Variants in PCDHGB5 observed in about 807,000 individuals in gnomAD.
PCDHGB5 encodes protocadherin gamma subfamily B, 5, also known as protocadherin gamma-B5.
Under a neutral mutation model 62.9 loss-of-function variants are expected in PCDHGB5, and 48 were observed. The ratio of observed to expected loss-of-function variants is 0.76; its 90% CI spans 0.61 to 0.97. The LOEUF is 0.97. PCDHGB5 is among the 50% of genes least tolerant of loss of function. The probability of loss-of-function intolerance (pLI) is 0.00; values close to 1 mark genes in which losing one functional copy is unlikely to be tolerated. For missense variants in PCDHGB5, 1,118 were observed against 1,198.6 expected (o/e 0.93, Z 0.99); for synonymous variants, 474 against 511.2 (o/e 0.93, Z 0.98).
At position 141,450,006 on chromosome 5, in the gene PCDHGB5, C is replaced by CTAT. The variant is rs70988802; in HGVS notation, c.2398-44800_2398-44799insATT. ...CACATTGCATTTAGTTGCCATGTCT[C>CTAT]TTTTTTTTTTTTTTTTTTGAGACAG... On this transcript the variant is annotated intron_variant, in intron 1 of 3. Transcript: ENST00000617380. Among the ~76,000 whole-genome samples the CTAT allele has an allele frequency of 2.5e-4, 33 of 132,964 alleles. 6 individuals are homozygous for CTAT. Among genetic ancestry groups the CTAT allele is most frequent in the Non-Finnish European group, 2.9e-4 (18 of 62,916 alleles). The allele number at this position is 132,964 out of a possible 152,430, so 87.2% of individuals were successfully genotyped here. A position where few individuals can be genotyped will look rare whatever the true frequency, so the allele number is the denominator to read the frequency against.
At chr5:141,413,805 C>T (rs772637762) in intron 1 of PCDHGB5, 1 of 1,613,166 alleles carries the variant, frequency 6.2e-7, no homozygotes, top group South Asian at 1.1e-5. Flanking sequence ...AGGAAGAGGC[C>T]ATTCACCACC....
At chr5:141,419,436 G>T (rs756968644) in intron 1 of PCDHGB5, 1 of 1,613,144 alleles carries the variant, frequency 6.2e-7, no homozygotes, top group East Asian at 2.2e-5. Context: ...GAGCAGCTGC[G>T]CACCTTCGAG....
chr5:141,477,260 G>A lies in PCDHGB5; in HGVS notation c.2398-17547G>A. On this transcript the variant is annotated intron_variant, in intron 1 of 3. Coordinates refer to ENST00000617380, the MANE Select transcript of PCDHGB5 (RefSeq NM_018925.3). This position sits in a 1 kb window ranked among gnomAD's most constrained non-coding sequence, Gnocchi z 4.9. ...GCTCAGTGTGACTGACCTGGATGCTGGCGAGAACGGGCTGGTGACCTGCGA... is the reference window on the plus strand; with the variant it reads ...GCTCAGTGTGACTGACCTGGATGCTAGCGAGAACGGGCTGGTGACCTGCGA... 6.2e-7 allele frequency: 1 copy of A among 1,614,200 alleles called. No homozygotes were observed. Among genetic ancestry groups the A allele is most frequent in the Non-Finnish European group, 8.5e-7 (1 of 1,180,048 alleles).
intron 1 of PCDHGB5, among the ~76,000 whole-genome samples, chr5:141,473,329 G>A (rs2099319416): frequency 6.6e-6 from 1 of 152,212 alleles, no homozygotes; most frequent in Non-Finnish European, 1.5e-5. Context: ...TTAAGTGCCT[G>A]CTGTGCTAGA....
chr5:141,491,253 T>C lies in PCDHGB5; in HGVS notation c.2398-3554T>C, dbSNP rs71583648. The C allele has an allele frequency of 2.3e-3, 3,639 of 1,614,176 alleles. 33 individuals carry two copies. The African/African-American group carries it at 0.026, about 11-fold the overall frequency. Reference sequence around the variant, plus strand: ...TGCTGGTTCTGGAGGATGAGGACCCTGAGGAAATGCCCAAATCCAGTGACT... The same window carrying C: ...TGCTGGTTCTGGAGGATGAGGACCCCGAGGAAATGCCCAAATCCAGTGACT... On this transcript the variant is annotated intron_variant, in intron 1 of 3. Coordinates refer to ENST00000617380, the MANE Select transcript of PCDHGB5 (RefSeq NM_018925.3). This position sits in a 1 kb window ranked among gnomAD's most constrained non-coding sequence, Gnocchi z 6.9.
chr5:141,478,326 C>T, intron 1 of PCDHGB5: 1 of 1,613,950 alleles, frequency 6.2e-7, no homozygotes, highest in Admixed American at 1.7e-5. Flanking sequence ...CTGTACCGAA[C>T]ACCAGGGCCC....
intron 1 of PCDHGB5, among the ~76,000 whole-genome samples, chr5:141,471,076 T>C (rs1463083616): frequency 1.5e-5 from 2 of 136,094 alleles, no homozygotes; most frequent in Non-Finnish European, 3.1e-5. Context: ...TGAGACAGGG[T>C]CTCCCTCTGT....
At chr5:141,433,261 A>G (rs761584659) in intron 1 of PCDHGB5, 4 of 1,344,710 alleles carry the variant, frequency 3.0e-6, no homozygotes, top group Non-Finnish European at 4.1e-6. Context: ...CGGTACGATC[A>G]TAGCTCACTG....
Position 141,490,109 on chromosome 5 carries a change from G to A in PCDHGB5, c.2398-4698G>A, listed in dbSNP as rs775286436. The A allele has an allele frequency of 3.4e-5, 55 of 1,614,114 alleles. No homozygotes were observed. Among genetic ancestry groups the A allele is most frequent in the African/African-American group, 8.0e-5 (6 of 74,940 alleles). ...GGAGACCACACATCTGAGGCAGTGC[G>A]GAACCTCTTTGGCCTAGACCCTAGC... On this transcript the variant is annotated intron_variant, in intron 1 of 3. Coordinates refer to ENST00000617380, the MANE Select transcript of PCDHGB5 (RefSeq NM_018925.3). This position sits in a 1 kb window ranked among gnomAD's most constrained non-coding sequence, Gnocchi z 5.4.
intron 1 of PCDHGB5, chr5:141,433,267 C>T (rs1462399366): frequency 7.7e-7 from 1 of 1,305,096 alleles, no homozygotes; most frequent in Non-Finnish European, 1.1e-6. Context: ...GATCATAGCT[C>T]ACTGCAGCCT....
intron 1 of PCDHGB5, among the ~76,000 whole-genome samples, chr5:141,464,251 C>T (rs1438610569): frequency 1.4e-5 from 2 of 141,396 alleles, no homozygotes; most frequent in Admixed American, 7.5e-5. Flanking sequence ...GGCTACAGAG[C>T]GAGACTCCGT....
chr5:141,433,358 C>CCTATCTATCTATCTATCTAT (rs3074541), intron 1 of PCDHGB5: 39 of 504,044 alleles, frequency 7.7e-5, no homozygotes, highest in Admixed American at 1.8e-4. Context: ...CTACTGTCTG[C>CCTATCTATCTATCTATCTAT]CTATCTATCT....
intron 1 of PCDHGB5, among the ~76,000 whole-genome samples, chr5:141,407,444 C>G (rs578101282): frequency 6.7e-6 from 1 of 150,116 alleles, no homozygotes; most frequent in South Asian, 2.1e-4. Flanking sequence ...AAAACCAGAA[C>G]ACGAGGCTCA....
At chr5:141,448,305 A>C (rs910461420) in intron 1 of PCDHGB5, among the ~76,000 whole-genome samples, 1 of 152,092 alleles carries the variant, frequency 6.6e-6, no homozygotes, top group East Asian at 1.9e-4. Context: ...TTAATATCTC[A>C]AGGAATCTTT....
chr5:141,410,086 G>A (rs759204005), intron 1 of PCDHGB5: 3 of 1,612,588 alleles, frequency 1.9e-6, no homozygotes, highest in Non-Finnish European at 2.5e-6. Flanking sequence ...AGGTGCGCAC[G>A]GCTCGAGCCT....
chr5:141,410,665 G>A, intron 1 of PCDHGB5: 1 of 1,569,394 alleles, frequency 6.4e-7, no homozygotes, highest in Non-Finnish European at 8.6e-7. Context: ...TAGTCTACTA[G>A]TTTCTCATAT....
At chr5:141,422,394 C>T (rs898242724) in intron 1 of PCDHGB5, 1 of 1,595,520 alleles carries the variant, frequency 6.3e-7, no homozygotes, top group Non-Finnish European at 8.5e-7. Context: ...TTATTCCTAA[C>T]CACCTGCCTT....
chr5:141,474,407 G>A (rs1431210575), intron 1 of PCDHGB5, among the ~76,000 whole-genome samples: 2 of 152,230 alleles, frequency 1.3e-5, no homozygotes, highest in East Asian at 1.9e-4. Flanking sequence ...GCTCCCCGGT[G>A]ATGCCTAGAC....
At chr5:141,403,574 C>A (rs1441332710) in intron 1 of PCDHGB5, 1 of 1,613,960 alleles carries the variant, frequency 6.2e-7, no homozygotes, top group Admixed American at 1.7e-5. Flanking sequence ...GGCAACTGCC[C>A]ACCACCTGGT....
Sources: allele counts gnomAD v4.1 joint callset (sites outside exome capture counted in the v4.1 genomes callset), GRCh38; gene constraint gnomAD v4.1.1; non-coding constraint Gnocchi (gnomAD v3.1); transcripts MANE v1.5; gene names NCBI Gene and HGNC (gene_info 2026-07-23, HGNC 2026-07-21).